The following MICAL3 variants were observed in gnomAD, a reference collection of about 807,000 sequenced individuals.
MICAL3 encodes the protein microtubule associated monooxygenase, calponin and LIM domain containing 3.
In MICAL3, 62 loss-of-function variants were observed where a neutral mutation model predicts 207.4. The ratio of observed to expected loss-of-function variants is 0.30; its 90% CI spans 0.24 to 0.37. The LOEUF (loss-of-function observed/expected upper bound fraction) is 0.37, where lower values mean the gene tolerates loss of function less well. Among genes scored for constraint, MICAL3 ranks in the 10% least tolerant of loss-of-function variants. The pLI is 1.00. For missense variants in MICAL3, 2,368 were observed against 2,635.6 expected, an observed-to-expected ratio of 0.90 and a Z score of 2.22; for synonymous variants, 1,077 against 1,069.3, an observed-to-expected ratio of 1.01 and a Z score of -0.14.
rs191175837 is a variant in MICAL3 at position 17,923,830 on chromosome 22, T to C, written c.-74-16944A>G. On this transcript the variant is annotated intron_variant, in intron 1 of 31. Coordinates refer to ENST00000441493, the MANE Select transcript of MICAL3 (RefSeq NM_015241.3). ...CACAAGTCTAACTCCAGGGAAGCCA[T>C]CTGTGTTAGTCCATTCTCATGCTGC... Among the ~76,000 whole-genome samples, 10 of 152,332 alleles carry C rather than the reference T, an allele frequency of 6.6e-5. No individual in the cohort carries two copies. The East Asian group carries it at 1.9e-3, about 29-fold the overall frequency.
chr22:18,017,908 G>A (rs1924172730), intron 1 of MICAL3, among the ~76,000 whole-genome samples: 2 of 151,712 alleles, frequency 1.3e-5, no homozygotes, highest in South Asian at 2.1e-4. Flanking sequence ...CCGCCACCAC[G>A]CCCGGCTCAT....
At chr22:17,998,024 G>C (rs905847476) in intron 1 of MICAL3, among the ~76,000 whole-genome samples, 1 of 152,160 alleles carries the variant, frequency 6.6e-6, no homozygotes, top group Non-Finnish European at 1.5e-5. Context: ...AACCTGGGCC[G>C]GGTGTGGTGG....
chr22:17,878,696 T>A (rs1929123899), intron 16 of MICAL3, among the ~76,000 whole-genome samples: 1 of 152,128 alleles, frequency 6.6e-6, no homozygotes, highest in Admixed American at 6.5e-5. Context: ...GAACAAAAGT[T>A]TCATAAAGTA....
At chr22:17,930,139 AAAATT>A (rs1482540377) in intron 1 of MICAL3, among the ~76,000 whole-genome samples, 2 of 152,230 alleles carry the variant, frequency 1.3e-5, no homozygotes, top group East Asian at 3.8e-4. Flanking sequence ...CAGAATAACT[AAAATT>A]AAAGACTGAC....
chr22:17,897,003 G>C, intron 7 of MICAL3, 22 bp from the exon 8 acceptor site: 1 of 1,594,662 alleles, frequency 6.3e-7, no homozygotes, highest in Non-Finnish European at 8.5e-7. Context: ...GAAAGAGGAG[G>C]GTAGGGATGG....
chr22:17,843,773 C>A (rs57599507), intron 19 of MICAL3, among the ~76,000 whole-genome samples: 2,316 of 152,346 alleles, frequency 0.015, 76 homozygotes, highest in African/African-American at 0.054. Context: ...CATCCACAGG[C>A]TCTGGAGAGC....
intron 18 of MICAL3, among the ~76,000 whole-genome samples, chr22:17,865,404 C>T (rs1926981924): frequency 6.6e-6 from 1 of 152,196 alleles, no homozygotes; most frequent in African/African-American, 2.4e-5. Context: ...GGTGGAGAAG[C>T]CACCCTCATT....
At chr22:17,890,000 T>C (rs1930262693) in intron 12 of MICAL3, among the ~76,000 whole-genome samples, 1 of 152,182 alleles carries the variant, frequency 6.6e-6, no homozygotes, top group African/African-American at 2.4e-5. Context: ...TCAGCTCTGA[T>C]CAATCTTAGC....
At chr22:17,922,600 T>C (rs532920069) in intron 1 of MICAL3, among the ~76,000 whole-genome samples, 1 of 152,230 alleles carries the variant, frequency 6.6e-6, no homozygotes, top group Admixed American at 6.5e-5. Flanking sequence ...AGAGTTAGAA[T>C]GGCTGAAGGG....
chr22:17,880,923 G>A (rs529270845), intron 16 of MICAL3, among the ~76,000 whole-genome samples: 3 of 152,196 alleles, frequency 2.0e-5, no homozygotes, highest in African/African-American at 4.8e-5. Flanking sequence ...CCTGGGCCTC[G>A]GATGCACGAC....
At chr22:17,980,735 C>A in intron 1 of MICAL3, 1 of 440,680 alleles carries the variant, frequency 2.3e-6, no homozygotes, top group East Asian at 5.8e-5. Flanking sequence ...TCCAGAGTGC[C>A]ACAGTTTCCG....
chr22:18,006,714 T>G (rs1428516298), intron 1 of MICAL3: 1 of 152,180 alleles, frequency 6.6e-6, no homozygotes, highest in African/African-American at 2.4e-5. Flanking sequence ...ATGCCTATAA[T>G]CCCAGCTACT....
chr22:17,965,273 A>T (rs1935096290), intron 1 of MICAL3, among the ~76,000 whole-genome samples: 1 of 151,994 alleles, frequency 6.6e-6, no homozygotes, highest in Admixed American at 6.6e-5. Flanking sequence ...GAAAGCAATG[A>T]CTTTTTACAG....
At chr22:18,016,694 A>G (rs908433563) in intron 1 of MICAL3, among the ~76,000 whole-genome samples, 1 of 152,168 alleles carries the variant, frequency 6.6e-6, no homozygotes, top group Non-Finnish European at 1.5e-5. Flanking sequence ...TAATCCCAGC[A>G]CTTTGAGAGG....
At chr22:17,875,741 C>T (rs909971892) in intron 16 of MICAL3, among the ~76,000 whole-genome samples, 2 of 151,456 alleles carry the variant, frequency 1.3e-5, no homozygotes, top group Middle Eastern at 3.4e-3. Context: ...GCAAGGCTTC[C>T]GTTTTGCTTT....
chr22:17,894,796 C>CA (rs549154429), intron 10 of MICAL3, among the ~76,000 whole-genome samples: 2,850 of 78,028 alleles, frequency 0.037, 128 homozygotes, highest in African/African-American at 0.091. Context: ...GATTCCATCT[C>CA]AAAAAAAAAA....
chr22:17,994,963 G>C (rs1165234039), intron 1 of MICAL3, among the ~76,000 whole-genome samples: 1 of 151,984 alleles, frequency 6.6e-6, no homozygotes, highest in Non-Finnish European at 1.5e-5. Context: ...GCCTAATGCA[G>C]GAAGACTCCT....
At chr22:17,953,082 C>A (rs1478025886) in intron 1 of MICAL3, among the ~76,000 whole-genome samples, 1 of 152,154 alleles carries the variant, frequency 6.6e-6, no homozygotes, top group African/African-American at 2.4e-5. Context: ...ATAAGGTGTG[C>A]ACAGCCACTC....
At chr22:17,923,343 G>A (rs1238777492) in intron 1 of MICAL3, among the ~76,000 whole-genome samples, 1 of 152,198 alleles carries the variant, frequency 6.6e-6, no homozygotes, top group African/African-American at 2.4e-5. Flanking sequence ...AAAACCAACT[G>A]CCATGACCTC....
Sources: allele counts gnomAD v4.1 joint callset (sites outside exome capture counted in the v4.1 genomes callset), GRCh38; gene constraint gnomAD v4.1.1; transcripts MANE v1.5; gene names NCBI Gene and HGNC (gene_info 2026-07-23, HGNC 2026-07-21).